Variants in RPTOR observed in about 807,000 individuals in gnomAD.
The protein encoded by RPTOR is regulatory-associated protein of mTOR.
A neutral mutation model predicts 169.9 loss-of-function variants in RPTOR; 21 were observed. The observed-to-expected ratio is 0.12, with a 90% CI of 0.09 to 0.18. The LOEUF is 0.18. Among genes scored for constraint, RPTOR ranks in the 10% least tolerant of loss-of-function variants. The pLI is 1.00. For missense variants in RPTOR, 1,133 were observed against 1,855.9 expected (o/e 0.61, Z 7.16); for synonymous variants, 732 against 753.2 (o/e 0.97, Z 0.46).
chr17:80,942,554 G>A (rs375250240), intron 25 of RPTOR, among the ~76,000 whole-genome samples: 19 of 152,168 alleles, frequency 1.2e-4, no homozygotes, highest in African/African-American at 2.9e-4. Flanking sequence ...GCGTAGTGCC[G>A]GGAGTCACTG....
intron 3 of RPTOR, among the ~76,000 whole-genome samples, chr17:80,696,475 C>T (rs890315931): frequency 6.6e-6 from 1 of 152,162 alleles, no homozygotes; most frequent in African/African-American, 2.4e-5. Context: ...GCATATTAAT[C>T]CAAGTAAGCA....
chr17:80,623,664 T>C (rs1270657694), intron 1 of RPTOR, among the ~76,000 whole-genome samples: 1 of 151,772 alleles, frequency 6.6e-6, no homozygotes, highest in African/African-American at 2.4e-5. Context: ...GCCTCCGGAG[T>C]AGCTAGGATT....
At chr17:80,760,286 G>A (rs78550371) in intron 6 of RPTOR, among the ~76,000 whole-genome samples, 33,217 of 146,672 alleles carry the variant, frequency 0.23, 4,979 homozygotes, top group East Asian at 0.52. Flanking sequence ...TGTTCCAGTC[G>A]AGCTTTCTTT....
chr17:80,743,130 T>C (rs1050212060), intron 5 of RPTOR, among the ~76,000 whole-genome samples: 4 of 152,220 alleles, frequency 2.6e-5, no homozygotes, highest in African/African-American at 9.7e-5. Flanking sequence ...TACTAGTGTC[T>C]CCAGCTTTCC....
intron 2 of RPTOR, among the ~76,000 whole-genome samples, chr17:80,630,822 G>C (rs909786158): frequency 6.6e-6 from 1 of 152,168 alleles, no homozygotes. Context: ...GCCTGCCCAC[G>C]TGCCTCACTG....
intron 1 of RPTOR, among the ~76,000 whole-genome samples, chr17:80,611,489 ACTCCTGACCT>A (rs1344562104): frequency 6.6e-6 from 1 of 151,490 alleles, no homozygotes; most frequent in East Asian, 1.9e-4. Flanking sequence ...CTGGTCTTGA[ACTCCTGACCT>A]AAAGTGATTT....
intron 1 of RPTOR, among the ~76,000 whole-genome samples, chr17:80,553,906 T>C (rs2084375045): frequency 6.6e-6 from 1 of 152,060 alleles, no homozygotes; most frequent in South Asian, 2.1e-4. Context: ...CACGCCTGGC[T>C]AATTTTCATA....
chr17:80,871,658 C>A (rs1341992359), intron 13 of RPTOR, among the ~76,000 whole-genome samples: 1 of 152,206 alleles, frequency 6.6e-6, no homozygotes, highest in East Asian at 1.9e-4. Flanking sequence ...TAACTTATTC[C>A]TTCCTGCAGT....
chr17:80,773,180 C>T (rs2066861542), intron 6 of RPTOR, among the ~76,000 whole-genome samples: 1 of 152,216 alleles, frequency 6.6e-6, no homozygotes, highest in Non-Finnish European at 1.5e-5. Context: ...GGAGCGGCAC[C>T]ACCACTCTTG....
rs1013040851 is a variant in RPTOR at position 80,695,595 on chromosome 17, T to C, written c.349-12246T>C. ...AGCCAGCGTCTTCCCAAGCAGCTGT[T>C]TTACAGGAAACAAAGCAGGATGACC... On this transcript the variant is annotated intron_variant, in intron 3 of 33. Transcript: ENST00000306801. The surrounding 1 kb of genome is among the most constrained non-coding windows in gnomAD (Gnocchi z 4.9). Among the ~76,000 whole-genome samples the C allele has an allele frequency of 6.6e-6, 1 of 152,146 alleles. No individual in the cohort carries two copies. Among genetic ancestry groups the C allele is most frequent in the Non-Finnish European group, 1.5e-5 (1 of 68,010 alleles).
intron 6 of RPTOR, among the ~76,000 whole-genome samples, chr17:80,755,652 T>C (rs1263580819): frequency 6.6e-6 from 1 of 151,388 alleles, no homozygotes; most frequent in Non-Finnish European, 1.5e-5. Context: ...GGTACTAGAA[T>C]TGCTCGAACC....
At chr17:80,687,189 C>T (rs2065955013) in intron 3 of RPTOR, among the ~76,000 whole-genome samples, 1 of 152,214 alleles carries the variant, frequency 6.6e-6, no homozygotes. Flanking sequence ...CTGTCCGTCC[C>T]ACTTCTCCTC....
intron 25 of RPTOR, among the ~76,000 whole-genome samples, chr17:80,942,451 A>T (rs1262086293): frequency 6.6e-6 from 1 of 151,518 alleles, no homozygotes; most frequent in Non-Finnish European, 1.5e-5. Context: ...GTTTGTCCAG[A>T]CACACAAAGG....
At chr17:80,697,784 C>G (rs367937210) in intron 3 of RPTOR, among the ~76,000 whole-genome samples, 1 of 152,112 alleles carries the variant, frequency 6.6e-6, no homozygotes, top group Non-Finnish European at 1.5e-5. Flanking sequence ...TCTCAGGGGC[C>G]GGTGGCCTGA....
rs576346464 is a variant in RPTOR at position 80,625,615 on chromosome 17, A to G, written c.163-76A>G. ...GAAGGGGCTCAATGTTCTGGGGGAC[A>G]TTTTAAAAGCTGGAAAAACACATAA... On this transcript the variant is annotated intron_variant, in intron 1 of 33. Coordinates refer to ENST00000306801, the MANE Select transcript of RPTOR (RefSeq NM_020761.3). 63 of 1,177,162 alleles carry G rather than the reference A, an allele frequency of 5.4e-5. 1 individual carries two copies. The South Asian group carries it at 8.0e-4, about 15-fold the overall frequency. The allele number at this position is 1,177,162 out of a possible 1,614,324, so 72.9% of individuals were successfully genotyped here. A position where few individuals can be genotyped will look rare whatever the true frequency, so the allele number is the denominator to read the frequency against.
At chr17:80,793,422 G>A (rs1163522008) in intron 7 of RPTOR, among the ~76,000 whole-genome samples, 1 of 152,058 alleles carries the variant, frequency 6.6e-6, no homozygotes, top group East Asian at 1.9e-4. Flanking sequence ...GCAGCTCTTG[G>A]GTGAAAACTG....
intron 24 of RPTOR, among the ~76,000 whole-genome samples, chr17:80,938,669 A>G (rs1467623759): frequency 6.6e-6 from 1 of 152,038 alleles, no homozygotes; most frequent in Non-Finnish European, 1.5e-5. Context: ...CCGGGTTTGG[A>G]TGTCTTTTTT....
At chr17:80,657,153 A>G (rs1249055302) in intron 3 of RPTOR, among the ~76,000 whole-genome samples, 1 of 152,200 alleles carries the variant, frequency 6.6e-6, no homozygotes, top group Non-Finnish European at 1.5e-5. Context: ...TGAGGGAGAA[A>G]AAAGAACAGA....
At chr17:80,669,354 C>T (rs1475624484) in intron 3 of RPTOR, among the ~76,000 whole-genome samples, 4 of 152,216 alleles carry the variant, frequency 2.6e-5, no homozygotes, top group South Asian at 4.1e-4. Flanking sequence ...GGGGAACTTC[C>T]CTGACCTCAT....
Sources: allele counts gnomAD v4.1 joint callset (sites outside exome capture counted in the v4.1 genomes callset), GRCh38; gene constraint gnomAD v4.1.1; non-coding constraint Gnocchi (gnomAD v3.1); transcripts MANE v1.5; gene names NCBI Gene and HGNC (gene_info 2026-07-23, HGNC 2026-07-21).